The following TOP6BL variants were observed in gnomAD, a reference collection of about 807,000 sequenced individuals.
The protein encoded by TOP6BL is type 2 DNA topoisomerase 6 subunit B-like.
the TOP6BL span, among the ~76,000 whole-genome samples, chr11:66,805,421 C>A: frequency 6.6e-6 from 1 of 151,010 alleles, no homozygotes; most frequent in African/African-American, 2.4e-5. Flanking sequence ...CTATGTCTGT[C>A]TAGAATAGGC....
chr11:66,782,074 ACT>A, the TOP6BL span, among the ~76,000 whole-genome samples: 1 of 151,680 alleles, frequency 6.6e-6, no homozygotes, highest in Non-Finnish European at 1.5e-5. Flanking sequence ...CATTTTTCAA[ACT>A]CTTCTAATTT....
the TOP6BL span, among the ~76,000 whole-genome samples, chr11:66,783,254 T>C: frequency 6.6e-6 from 1 of 152,020 alleles, no homozygotes; most frequent in Non-Finnish European, 1.5e-5. Flanking sequence ...TTCTAGTGAG[T>C]TGGGAGGCTG....
chr11:66,762,129 T>A, the TOP6BL span: 1 of 937,232 alleles, frequency 1.1e-6, no homozygotes, highest in African/African-American at 1.6e-5. Flanking sequence ...TGCTTCTGGA[T>A]TTTCCTTTCC....
At chr11:66,776,839 T>TA in the TOP6BL span, among the ~76,000 whole-genome samples, 3 of 151,982 alleles carry the variant, frequency 2.0e-5, no homozygotes, top group Non-Finnish European at 4.4e-5. Context: ...CACTTGACTC[T>TA]GGTAGTAGAA....
the TOP6BL span, among the ~76,000 whole-genome samples, chr11:66,822,387 A>G: frequency 6.6e-6 from 1 of 151,554 alleles, no homozygotes; most frequent in Non-Finnish European, 1.5e-5. Context: ...TTAAAATTTT[A>G]TTTTAATTCC....
At chr11:66,791,818 A>ATT in the TOP6BL span, among the ~76,000 whole-genome samples, 10 of 138,184 alleles carry the variant, frequency 7.2e-5, no homozygotes, top group East Asian at 2.1e-4. Context: ...CTTTCTAATA[A>ATT]TTTTTTTTTT....
chr11:66,790,128 C>A, the TOP6BL span, among the ~76,000 whole-genome samples: 1 of 151,794 alleles, frequency 6.6e-6, no homozygotes, highest in Admixed American at 6.6e-5. Flanking sequence ...AAAAATTAGC[C>A]GGGTGTGGTG....
chr11:66,829,068 CAAAAAAAAAAA>C, the TOP6BL span, among the ~76,000 whole-genome samples: 8 of 33,102 alleles, frequency 2.4e-4, no homozygotes, highest in Non-Finnish European at 4.3e-4. Flanking sequence ...GCCTCTGTCT[CAAAAAAAAAAA>C]AAAAAAAAAA....
chr11:66,809,275 C>G, the TOP6BL span, among the ~76,000 whole-genome samples: 1 of 152,174 alleles, frequency 6.6e-6, no homozygotes, highest in African/African-American at 2.4e-5. Context: ...GACAAATCAT[C>G]TTTAAAAGAT....
the TOP6BL span, among the ~76,000 whole-genome samples, chr11:66,745,943 T>C: frequency 6.6e-6 from 1 of 152,200 alleles, no homozygotes; most frequent in Non-Finnish European, 1.5e-5. Flanking sequence ...CCCGAGTAGC[T>C]GGGATTACAG....
the TOP6BL span, among the ~76,000 whole-genome samples, chr11:66,817,391 T>C: frequency 6.6e-6 from 1 of 152,148 alleles, no homozygotes; most frequent in Non-Finnish European, 1.5e-5. Flanking sequence ...TTTCATTTTC[T>C]GGTCCATGAA....
At chr11:66,810,161 T>G in the TOP6BL span, among the ~76,000 whole-genome samples, 33 of 152,162 alleles carry the variant, frequency 2.2e-4, no homozygotes, top group Non-Finnish European at 4.3e-4. Flanking sequence ...CTTTATAAAG[T>G]ACTGAGAGAA....
At chr11:66,811,105 C>T in the TOP6BL span, among the ~76,000 whole-genome samples, 2 of 152,044 alleles carry the variant, frequency 1.3e-5, no homozygotes, top group Non-Finnish European at 2.9e-5. Context: ...AGGTGTACAC[C>T]ACCATACCTG....
chr11:66,792,242 C>T, the TOP6BL span, among the ~76,000 whole-genome samples: 2 of 152,240 alleles, frequency 1.3e-5, no homozygotes, highest in East Asian at 3.9e-4. Context: ...GGATAGGTGT[C>T]GGTCCTTCTG....
chr11:66,796,885 G>T, the TOP6BL span, among the ~76,000 whole-genome samples: 1 of 150,880 alleles, frequency 6.6e-6, no homozygotes, highest in Non-Finnish European at 1.5e-5. Context: ...GAGAGACAAG[G>T]TCTCACTATA....
the TOP6BL span, among the ~76,000 whole-genome samples, chr11:66,807,782 A>G: frequency 1.1e-4 from 16 of 152,190 alleles, no homozygotes; most frequent in Admixed American, 3.3e-4. Flanking sequence ...GCAGGACAAG[A>G]AGGCCAAAGA....
the TOP6BL span, among the ~76,000 whole-genome samples, chr11:66,783,180 A>G: frequency 1.3e-5 from 2 of 152,188 alleles, no homozygotes; most frequent in Non-Finnish European, 2.9e-5. Context: ...AAAAATTACA[A>G]CAATTTCCCT....
At chr11:66,842,491 CAG>C in the TOP6BL span, among the ~76,000 whole-genome samples, 2 of 152,170 alleles carry the variant, frequency 1.3e-5, no homozygotes, top group African/African-American at 4.8e-5. Context: ...CAAAGGGAGA[CAG>C]AACTGAGGCC....
At chr11:66,777,867 A>AT in the TOP6BL span, among the ~76,000 whole-genome samples, 2 of 152,104 alleles carry the variant, frequency 1.3e-5, no homozygotes, top group Non-Finnish European at 2.9e-5. Context: ...GCAAGACTCC[A>AT]TCCCCCCAAA....
Sources: gnomAD v4.1 joint callset for allele counts (sites outside exome capture counted in the v4.1 genomes callset) on GRCh38, gnomAD v4.1.1 for gene constraint, MANE v1.5 for transcripts, NCBI Gene and HGNC (gene_info 2026-07-23, HGNC 2026-07-21) for gene names.